RYR1: variants seen among roughly 807,000 people sequenced by gnomAD.
The protein encoded by RYR1 is central core disease of muscle.
Under a neutral mutation model 583.5 loss-of-function variants are expected in RYR1, and 342 were observed. The ratio of observed to expected loss-of-function variants is 0.59; its 90% CI spans 0.54 to 0.64. The LOEUF (loss-of-function observed/expected upper bound fraction) is 0.64. Among genes scored for constraint, RYR1 ranks in the 30% least tolerant of loss-of-function variants. The pLI, the probability that RYR1 is intolerant of heterozygous loss-of-function variation, is 0.00. For missense variants in RYR1, 6,032 were observed against 6,917.2 expected (o/e 0.87, Z 4.54); for synonymous variants, 2,791 against 2,822.5 (o/e 0.99, Z 0.35).
chr19:38,498,112 G>A (rs577479182), intron 42 of RYR1, among the ~76,000 whole-genome samples: 2 of 152,340 alleles, frequency 1.3e-5, no homozygotes, highest in African/African-American at 4.8e-5. Context: ...CCCTGAGGCA[G>A]GAGCAAACCT....
Position 38,443,542 on chromosome 19 carries a change from C to T in RYR1, c.271-16C>T, listed in dbSNP as rs965020964. On this transcript the variant is annotated splice_polypyrimidine_tract_variant and intron_variant, in intron 3 of 105. Coordinates refer to ENST00000359596, the MANE Select transcript of RYR1 (RefSeq NM_000540.3). ...CGGGGATCTGTGCTTATTCTGTTCC[C>T]TCCCTCCCCCTGCAGTCATCCCAGG... The T allele has an allele frequency of 4.3e-6, 7 of 1,611,042 alleles. No homozygotes were observed. In the African/African-American group the frequency reaches 5.3e-5, roughly 12 times the overall value.
intron 96 of RYR1, among the ~76,000 whole-genome samples, chr19:38,574,704 G>A (rs544297731): frequency 3.0e-4 from 46 of 151,916 alleles, no homozygotes; most frequent in Middle Eastern, 6.8e-3. Flanking sequence ...TTGCAAATCC[G>A]TGAATTCATA....
chr19:38,532,762 G>A (rs777796310), intron 78 of RYR1, 26 bp downstream of exon 78: 20 of 1,609,476 alleles, frequency 1.2e-5, no homozygotes, highest in Non-Finnish European at 1.7e-5. Flanking sequence ...AGGTCCTGGA[G>A]GGAAGGGATG....
intron 71 of RYR1, among the ~76,000 whole-genome samples, chr19:38,526,090 C>A (rs900596562): frequency 1.3e-5 from 2 of 152,020 alleles, no homozygotes; most frequent in African/African-American, 4.8e-5. Context: ...CCCTGCATAA[C>A]TCCCCAGGAT....
At chr19:38,573,442 G>A (rs1973817102) in intron 96 of RYR1, 135 bp downstream of exon 96, 1 of 1,169,020 alleles carries the variant, frequency 8.6e-7, no homozygotes, top group African/African-American at 1.6e-5. Flanking sequence ...GGCACTTTGG[G>A]AGGCTAAGGC....
chr19:38,578,282 T>G, intron 99 of RYR1, 78 bp downstream of exon 99: 1 of 1,472,250 alleles, frequency 6.8e-7, no homozygotes, highest in Non-Finnish European at 9.3e-7. Flanking sequence ...CGGGTGTTCC[T>G]GACCAAAGAA....
chr19:38,528,174 A>T (rs1435896357), intron 73 of RYR1, 132 bp from the exon 74 acceptor site: 2 of 776,632 alleles, frequency 2.6e-6, no homozygotes, highest in East Asian at 5.3e-5. Context: ...GTTGGTGGAG[A>T]CAAGGTTTTC....
In RYR1 at chr19:38,477,699, T is replaced by C; in HGVS notation, c.4294-11T>C. ...CAGACTGACCACTAGTTCCCCTCCT[T>C]GTGTCACCAGTACTATTACTCCGTG... On this transcript the variant is annotated splice_polypyrimidine_tract_variant and intron_variant, in intron 29 of 105. Coordinates refer to ENST00000359596, the MANE Select transcript of RYR1 (RefSeq NM_000540.3). 2 of 1,613,994 alleles carry C rather than the reference T, an allele frequency of 1.2e-6. No individual in the cohort carries two copies. The highest frequency in any genetic ancestry group is 2.2e-5 in the South Asian group (2 of 91,068).
intron 1 of RYR1, among the ~76,000 whole-genome samples, chr19:38,434,131 C>T (rs948044732): frequency 6.6e-6 from 1 of 152,060 alleles, no homozygotes; most frequent in Non-Finnish European, 1.5e-5. Flanking sequence ...GCGATTTGTC[C>T]CCCACAAGAA....
chr19:38,563,912 C>T (rs1973266828), intron 90 of RYR1, among the ~76,000 whole-genome samples: 1 of 152,194 alleles, frequency 6.6e-6, no homozygotes, highest in Non-Finnish European at 1.5e-5. Flanking sequence ...GCCTCCCTGT[C>T]CTCATCTATA....
At chr19:38,452,583 C>T (rs563890144) in intron 12 of RYR1, among the ~76,000 whole-genome samples, 65 of 152,184 alleles carry the variant, frequency 4.3e-4, no homozygotes, top group Admixed American at 7.2e-4. Context: ...GACCCTGGAC[C>T]TCTCCATCCC....
rs1291363715 is a variant in RYR1 at position 38,490,248 on chromosome 19, G to A, written c.5987G>A (p.Arg1996His). ...GCAGCAGAGACTGCAAGACGTACCC[G>A]CGAGTTCCGCTCCCCACCCCAGGAA... The part of the protein sequence containing the change: ...MTAAETARRT[R>H]EFRSPPQEQI... Residue 1996 changes from arginine to histidine, a missense_variant, in exon 36 of 106, where the codon CGC becomes CAC. Transcript: ENST00000359596. 4.3e-6 allele frequency: 7 copies of A among 1,614,058 alleles called. No individual in the cohort carries two copies. The highest frequency in any genetic ancestry group is 5.9e-6 in the Non-Finnish European group (7 of 1,179,992).
Position 38,543,800 on chromosome 19 carries a change from G to A in RYR1, c.11937G>A (p.Leu3979=). ...QGPCTGNQQS[L]AHSRLWDAVV... ...CCTGCACCGGGAACCAGCAGAGCCT[G>A]GCGCACAGTCGCCTATGGGACGCAG... is the stretch of plus-strand genomic sequence containing the variant. Residue 3979 remains leucine (L), a synonymous_variant, in exon 87 of 106, where the codon CTG becomes CTA. Transcript: ENST00000359596. The surrounding 1 kb of genome is among the most constrained non-coding windows in gnomAD (Gnocchi z 4.4). 6.2e-7 allele frequency: 1 copy of A among 1,613,798 alleles called. No homozygotes were observed. Among genetic ancestry groups the A allele is most frequent in the South Asian group, 1.1e-5 (1 of 91,084 alleles).
chr19:38,525,855 G>A (rs2145713961), intron 71 of RYR1, among the ~76,000 whole-genome samples: 2 of 150,476 alleles, frequency 1.3e-5, no homozygotes, highest in Middle Eastern at 3.4e-3. Flanking sequence ...CCAACAAGAT[G>A]AGCCCCTGAG....
At chr19:38,454,446 G>A (rs1406578304) in intron 13 of RYR1, among the ~76,000 whole-genome samples, 4 of 152,230 alleles carry the variant, frequency 2.6e-5, no homozygotes, top group African/African-American at 4.8e-5. Context: ...GTGCCTTACT[G>A]AGAAAATATG....
rs957392274 is a variant in RYR1, at chr19:38,483,435, G to A, written c.4853G>A (p.Arg1618His). 23 of 1,576,148 alleles carry A rather than the reference G, an allele frequency of 1.5e-5. No individual in the cohort carries two copies. The highest frequency in any genetic ancestry group is 2.3e-5 in the East Asian group (1 of 43,482). The change falls in exon 33 of 106, where the codon CGT (arginine) becomes CAT (histidine). Residue 1618 changes from arginine to histidine, a missense_variant. Transcript: ENST00000359596. The surrounding 1 kb of genome is among the most constrained non-coding windows in gnomAD (Gnocchi z 6.3). Reference protein sequence around the residue: ...PNHFLQVETRRAGERLGWAVQ... With the variant: ...PNHFLQVETRHAGERLGWAVQ... ...CACTTCCTGCAGGTGGAGACGAGGC[G>A]TGCCGGCGAGCGGCTGGGCTGGGCC... is the stretch of plus-strand genomic sequence containing the variant.
At chr19:38,582,156 G>A (rs951964643) in intron 101 of RYR1, among the ~76,000 whole-genome samples, 15 of 152,214 alleles carry the variant, frequency 9.9e-5, no homozygotes, top group African/African-American at 3.6e-4. Flanking sequence ...CCAGCACTTT[G>A]GGGGGCTGAG....
chr19:38,475,552 C>A (rs548638719), intron 29 of RYR1, 102 bp downstream of exon 29: 98 of 1,400,012 alleles, frequency 7.0e-5, no homozygotes, highest in Middle Eastern at 3.5e-4. Context: ...GCCCACCTTA[C>A]ACTGGGGACT....
At chr19:38,470,438 GAA>G (rs543327525) in intron 27 of RYR1, among the ~76,000 whole-genome samples, 13 of 74,336 alleles carry the variant, frequency 1.7e-4, no homozygotes, top group Admixed American at 1.6e-4. Flanking sequence ...CTGTCTCATT[GAA>G]AAAAAAAAAA....
Sources: allele counts gnomAD v4.1 joint callset (sites outside exome capture counted in the v4.1 genomes callset), GRCh38; gene constraint gnomAD v4.1.1; non-coding constraint Gnocchi (gnomAD v3.1); transcripts MANE v1.5; gene names NCBI Gene and HGNC (gene_info 2026-07-23, HGNC 2026-07-21).